Variants in ABCA12 observed in about 807,000 individuals in gnomAD.
ABCA12 encodes ATP binding cassette subfamily A member 12.
A neutral mutation model predicts 293.5 loss-of-function variants in ABCA12; 156 were observed. That is an observed-to-expected ratio of 0.53 (90% CI 0.47 to 0.61). ABCA12 has a LOEUF of 0.61. Among genes scored for constraint, ABCA12 ranks in the 20% least tolerant of loss-of-function variants. The pLI, the probability that ABCA12 is intolerant of heterozygous loss-of-function variation, is 0.00. For synonymous variants in ABCA12, 1,063 were observed against 1,108.0 expected (o/e 0.96, Z 0.81); for missense variants, 2,797 against 3,090.2 (o/e 0.91, Z 2.25).
At chr2:214,974,949 C>G in intron 34 of ABCA12, 85 bp from the exon 35 acceptor site, 1 of 1,237,748 alleles carries the variant, frequency 8.1e-7, no homozygotes, top group Admixed American at 1.7e-5. Context: ...ATGAAATGTG[C>G]TGTATATAGA....
chr2:215,052,677 C>T, intron 4 of ABCA12, 93 bp from the exon 5 acceptor site: 1 of 1,055,482 alleles, frequency 9.5e-7, no homozygotes, highest in Admixed American at 1.8e-5. Flanking sequence ...CTTGTGACCT[C>T]ATATACCCTA....
intron 29 of ABCA12, 86 bp from the exon 30 acceptor site, chr2:214,982,469 TTCAC>T: frequency 1.9e-6 from 2 of 1,073,262 alleles, no homozygotes; most frequent in African/African-American, 1.6e-5. Context: ...TTGATATGTA[TTCAC>T]TAGGTAACTA....
At chr2:215,104,383 C>T (rs1702420165) in intron 2 of ABCA12, among the ~76,000 whole-genome samples, 1 of 152,174 alleles carries the variant, frequency 6.6e-6, no homozygotes, top group Non-Finnish European at 1.5e-5. Flanking sequence ...TGTTAGCTGG[C>T]ATTAGGGTGT....
chr2:215,102,417 G>A (rs560850972), intron 2 of ABCA12, among the ~76,000 whole-genome samples: 2 of 152,216 alleles, frequency 1.3e-5, no homozygotes, highest in East Asian at 3.9e-4. Flanking sequence ...TGGCCAACAT[G>A]GTGAAACCCT....
intron 2 of ABCA12, among the ~76,000 whole-genome samples, chr2:215,081,822 A>G (rs539982973): frequency 3.8e-4 from 58 of 152,160 alleles, no homozygotes; most frequent in Non-Finnish European, 7.4e-4. Context: ...GACAAGATTG[A>G]CAATGAAGTT....
At chr2:215,124,067 A>G (rs914104427) in intron 1 of ABCA12, among the ~76,000 whole-genome samples, 8 of 152,166 alleles carry the variant, frequency 5.3e-5, no homozygotes, top group Non-Finnish European at 1.0e-4. Context: ...ATAGTCTCCA[A>G]TCTTATCCAG....
chr2:214,952,123 G>A (rs1698794089), intron 44 of ABCA12, among the ~76,000 whole-genome samples: 1 of 151,018 alleles, frequency 6.6e-6, no homozygotes, highest in South Asian at 2.1e-4. Flanking sequence ...TTCTTCTGAT[G>A]AGATCCCCAA....
rs756225842 is a variant in ABCA12, at chr2:214,937,622, A to T, written c.7437-7T>A. ...AGTAAATCCTCGTCCAAACCTAGAA[A>T]GAAAAAGTGCAAAATATGATATGAA... is the stretch of plus-strand genomic sequence containing the variant. On this transcript the variant is annotated splice_polypyrimidine_tract_variant and splice_region_variant and intron_variant, in intron 50 of 52. Transcript: ENST00000272895. 2 of 1,607,942 alleles carry T rather than the reference A, an allele frequency of 1.2e-6. No individual in the cohort carries two copies. Among genetic ancestry groups the T allele is most frequent in the South Asian group, 2.2e-5 (2 of 90,950 alleles).
At chr2:215,103,451 G>A (rs1334264479) in intron 2 of ABCA12, among the ~76,000 whole-genome samples, 2 of 151,618 alleles carry the variant, frequency 1.3e-5, no homozygotes, top group Admixed American at 6.6e-5. Context: ...TGTATTTTTA[G>A]TAGAGACAGG....
At chr2:215,106,999 T>C (rs1702476299) in intron 2 of ABCA12, among the ~76,000 whole-genome samples, 1 of 152,238 alleles carries the variant, frequency 6.6e-6, no homozygotes, top group African/African-American at 2.4e-5. Context: ...TGGGGCTTAA[T>C]GTAATGTATG....
chr2:215,117,024 A>T (rs73076503), intron 1 of ABCA12, among the ~76,000 whole-genome samples: 7,297 of 152,240 alleles, frequency 0.048, 572 homozygotes, highest in African/African-American at 0.17. Flanking sequence ...TAAGGATTTG[A>T]TGGTGGTATT....
At chr2:214,935,751 T>C (rs1698199069) in intron 51 of ABCA12, among the ~76,000 whole-genome samples, 1 of 152,132 alleles carries the variant, frequency 6.6e-6, no homozygotes, top group Non-Finnish European at 1.5e-5. Context: ...GAGCTATGAT[T>C]ATGCCACTGC....
At chr2:214,940,973 C>CTCTGA (rs1698382461) in intron 50 of ABCA12, among the ~76,000 whole-genome samples, 1 of 152,044 alleles carries the variant, frequency 6.6e-6, no homozygotes. Context: ...TTCAGTTCTG[C>CTCTGA]TCTGATCTTA....
chr2:215,082,474 A>C (rs1219541866), intron 2 of ABCA12: 1 of 152,072 alleles, frequency 6.6e-6, no homozygotes, highest in Non-Finnish European at 1.5e-5. Context: ...AAACTGAATC[A>C]CATTGTTTAT....
At chr2:215,022,114 A>G (rs1700643116) in intron 11 of ABCA12, 1 of 152,194 alleles carries the variant, frequency 6.6e-6, no homozygotes, top group Non-Finnish European at 1.5e-5. Context: ...TATTAAATAA[A>G]AAGATAAATT....
At chr2:214,942,888 C>T (rs1698451889) in intron 50 of ABCA12, 37 bp downstream of exon 50, 1 of 1,539,650 alleles carries the variant, frequency 6.5e-7, no homozygotes, top group East Asian at 2.3e-5. Flanking sequence ...GATAGATGAC[C>T]CAACACTATC....
chr2:215,080,979 T>G (rs901931840), intron 2 of ABCA12: 1 of 152,242 alleles, frequency 6.6e-6, no homozygotes, highest in South Asian at 2.1e-4. Context: ...ATTCTCCTGT[T>G]AGTTGACCAA....
chr2:214,943,024 G>T lies in ABCA12; in HGVS notation c.7344-7C>A, dbSNP rs371364269. On this transcript the variant is annotated splice_region_variant and splice_polypyrimidine_tract_variant and intron_variant, in intron 49 of 52. Transcript: ENST00000272895. ...AGCTTCACATTCTTCCATGCTAAAA[G>T]ACAAAGCAGGATCATATTAGCATTC... 199 of 1,609,852 alleles carry T rather than the reference G, an allele frequency of 1.2e-4. No individual in the cohort carries two copies. The highest frequency in any genetic ancestry group is 6.6e-4 in the Middle Eastern group (4 of 6,074).
intron 1 of ABCA12, among the ~76,000 whole-genome samples, chr2:215,115,531 G>A (rs1487836342): frequency 1.3e-5 from 2 of 152,080 alleles, no homozygotes; most frequent in Non-Finnish European, 2.9e-5. Context: ...AGTGTTTAAA[G>A]GTTTAGTATT....
Sources: gnomAD v4.1 joint callset for allele counts (sites outside exome capture counted in the v4.1 genomes callset) on GRCh38, gnomAD v4.1.1 for gene constraint, MANE v1.5 for transcripts, NCBI Gene and HGNC (gene_info 2026-07-23, HGNC 2026-07-21) for gene names.